LPP: variants seen among roughly 807,000 people sequenced by gnomAD.
The protein encoded by LPP is lipoma-preferred partner.
Under a neutral mutation model 60.4 loss-of-function variants are expected in LPP, and 38 were observed. The ratio of observed to expected loss-of-function variants is 0.63; its 90% CI spans 0.49 to 0.83. The LOEUF (loss-of-function observed/expected upper bound fraction) is 0.83, where lower values mean the gene tolerates loss of function less well. Ranked by LOEUF, LPP falls within the 40% of genes least tolerant of loss-of-function variation. LPP has a pLI of 0.00. For missense variants in LPP, 902 were observed against 783.6 expected (o/e 1.15, Z -1.80); for synonymous variants, 328 against 290.8 (o/e 1.13, Z -1.30).
At chr3:188,163,790 A>AC (rs1719090129) in intron 1 of LPP, among the ~76,000 whole-genome samples, 1 of 150,782 alleles carries the variant, frequency 6.6e-6, no homozygotes, top group Admixed American at 6.6e-5. Flanking sequence ...AAATATACAA[A>AC]AAAAAAAAAA....
intron 1 of LPP, among the ~76,000 whole-genome samples, chr3:188,216,215 G>C (rs1395869349): frequency 6.6e-6 from 1 of 151,128 alleles, no homozygotes; most frequent in Admixed American, 6.6e-5. Flanking sequence ...CTGTGGAATA[G>C]TAGGCCAAAA....
intron 9 of LPP, among the ~76,000 whole-genome samples, chr3:188,844,233 A>G (rs1366544214): frequency 2.0e-5 from 3 of 152,210 alleles, no homozygotes; most frequent in African/African-American, 4.8e-5. Flanking sequence ...TAGATGTTGT[A>G]TAATCTAAGT....
At chr3:188,221,824 G>A (rs1715897148) in intron 1 of LPP, among the ~76,000 whole-genome samples, 2 of 152,154 alleles carry the variant, frequency 1.3e-5, no homozygotes, top group Admixed American at 6.6e-5. Flanking sequence ...TTATCCCAAA[G>A]CTCCATGAAA....
At chr3:188,861,367 T>TA (rs769909027) in intron 9 of LPP, among the ~76,000 whole-genome samples, 2 of 152,128 alleles carry the variant, frequency 1.3e-5, no homozygotes, top group Non-Finnish European at 2.9e-5. Context: ...TTTTTGTACC[T>TA]AAAAAAGGTA....
chr3:188,161,046 T>C (rs2148696703), intron 1 of LPP, among the ~76,000 whole-genome samples: 1 of 152,250 alleles, frequency 6.6e-6, no homozygotes, highest in South Asian at 2.1e-4. Context: ...CTAAAAGTAT[T>C]TGAGGAATAT....
intron 4 of LPP, among the ~76,000 whole-genome samples, chr3:188,460,956 G>C (rs980320633): frequency 8.5e-5 from 13 of 152,230 alleles, no homozygotes; most frequent in African/African-American, 2.6e-4. Flanking sequence ...GAGAGAACTA[G>C]GCTATGTCTT....
chr3:188,366,395 T>A (rs1056825538), intron 3 of LPP, among the ~76,000 whole-genome samples: 2 of 152,258 alleles, frequency 1.3e-5, no homozygotes, highest in African/African-American at 2.4e-5. Context: ...GAGGGGATTC[T>A]GGGGCTGGGC....
chr3:188,461,043 G>T (rs761973881), intron 4 of LPP, among the ~76,000 whole-genome samples: 1 of 152,194 alleles, frequency 6.6e-6, no homozygotes, highest in African/African-American at 2.4e-5. Context: ...AGACTTAGAG[G>T]ACTCCAGAGG....
chr3:188,471,458 G>A (rs957920006), intron 4 of LPP, among the ~76,000 whole-genome samples: 10 of 152,186 alleles, frequency 6.6e-5, no homozygotes, highest in Non-Finnish European at 5.9e-5. Flanking sequence ...AGCAGTAAAT[G>A]AATTAGAAAA....
chr3:188,510,976 G>A (rs1815309622), intron 5 of LPP, among the ~76,000 whole-genome samples: 1 of 151,992 alleles, frequency 6.6e-6, no homozygotes, highest in African/African-American at 2.4e-5. Context: ...GGATAAACTA[G>A]TTTCTTCAAT....
At chr3:188,238,898 A>G (rs1405526706) in intron 2 of LPP, among the ~76,000 whole-genome samples, 2 of 152,236 alleles carry the variant, frequency 1.3e-5, no homozygotes, top group Non-Finnish European at 2.9e-5. Flanking sequence ...TTTGTAAAAA[A>G]CACAGTATTT....
intron 2 of LPP, among the ~76,000 whole-genome samples, chr3:188,252,348 C>G (rs1288795981): frequency 8.2e-6 from 1 of 122,140 alleles, no homozygotes; most frequent in Admixed American, 8.7e-5. Flanking sequence ...CCCTTTCCCC[C>G]TTCTTCCGTT....
At chr3:188,504,454 T>C (rs1174780865) in intron 5 of LPP, among the ~76,000 whole-genome samples, 2 of 152,210 alleles carry the variant, frequency 1.3e-5, no homozygotes, top group Non-Finnish European at 2.9e-5. Flanking sequence ...GTTTATATTT[T>C]TGTTTTGAAT....
At chr3:188,822,385 A>C (rs962202640) in intron 9 of LPP, among the ~76,000 whole-genome samples, 8 of 152,124 alleles carry the variant, frequency 5.3e-5, no homozygotes, top group Admixed American at 3.9e-4. Context: ...ATGCATCAAG[A>C]GGGTTGGAAG....
At chr3:188,825,972 G>A (rs1348394462) in intron 9 of LPP, among the ~76,000 whole-genome samples, 2 of 152,044 alleles carry the variant, frequency 1.3e-5, no homozygotes, top group African/African-American at 4.8e-5. Context: ...AAGGATACCT[G>A]GTGACATAAT....
chr3:188,176,334 T>C (rs1723031679), intron 1 of LPP, among the ~76,000 whole-genome samples: 1 of 152,064 alleles, frequency 6.6e-6, no homozygotes. Context: ...AATAAATAAA[T>C]TTAAAAAAGA....
chr3:188,226,776 A>G (rs1418615915), intron 2 of LPP, among the ~76,000 whole-genome samples: 1 of 152,212 alleles, frequency 6.6e-6, no homozygotes, highest in Non-Finnish European at 1.5e-5. Context: ...TGATTGAAAA[A>G]AAACTAACTT....
Position 188,190,160 on chromosome 3 carries a change from A to G in LPP, c.-189-35245A>G, listed in dbSNP as rs555631098. ...AACCTCTGCCTCCTGGGTTCAAGCA[A>G]TTCTCCCTGCCTCAGCATCCCGAGT... On this transcript the variant is annotated intron_variant, in intron 1 of 11. Transcript: ENST00000617246. Among the ~76,000 whole-genome samples, 26 of 151,746 alleles carry G rather than the reference A, an allele frequency of 1.7e-4. 1 individual carries two copies. The highest frequency in any genetic ancestry group is 6.1e-4 in the African/African-American group (25 of 41,318).
chr3:188,220,157 A>T (rs928507207), intron 1 of LPP, among the ~76,000 whole-genome samples: 2 of 152,170 alleles, frequency 1.3e-5, no homozygotes, highest in African/African-American at 4.8e-5. Context: ...GCTCCCCCTG[A>T]AACCCACCAT....
Sources: allele counts gnomAD v4.1 joint callset (sites outside exome capture counted in the v4.1 genomes callset), GRCh38; gene constraint gnomAD v4.1.1; transcripts MANE v1.5; gene names NCBI Gene and HGNC (gene_info 2026-07-23, HGNC 2026-07-21).